The following BAHD1 variants were observed in gnomAD, a reference collection of about 807,000 sequenced individuals.
BAHD1 encodes the protein bromo adjacent homology domain containing 1.
A neutral mutation model predicts 63.1 loss-of-function variants in BAHD1; 20 were observed. The ratio of observed to expected loss-of-function variants is 0.32; its 90% CI spans 0.22 to 0.46. The LOEUF is 0.46. Ranked by LOEUF, BAHD1 falls within the 20% of genes least tolerant of loss-of-function variation. The pLI, the probability that BAHD1 is intolerant of heterozygous loss-of-function variation, is 1.00. For missense variants in BAHD1, 939 were observed against 1,071.8 expected, an observed-to-expected ratio of 0.88 and a Z score of 1.73; for synonymous variants, 408 against 426.8, an observed-to-expected ratio of 0.96 and a Z score of 0.54.
upstream of BAHD1, among the ~76,000 whole-genome samples, chr15:40,437,644 A>C (rs961153644): frequency 6.6e-6 from 1 of 152,150 alleles, no homozygotes; most frequent in Admixed American, 6.5e-5. Context: ...GGGCTGCCCC[A>C]CTTCCAGGAA....
rs759059950 is a variant in BAHD1 at position 40,465,904 on chromosome 15, G to C, written c.2154-37G>C. 5.9e-6 allele frequency: 9 copies of C among 1,529,398 alleles called. No individual in the cohort carries two copies. The Admixed American group carries it at 1.1e-4, about 18-fold the overall frequency. The allele number at this position is 1,529,398 out of a possible 1,614,324, so 94.7% of individuals were successfully genotyped here. ...AAGGAATTGGTCTTCCTGCAAAAGT[G>C]GCTGGAGTAAAGACAGTGAATGGTA... is the stretch of plus-strand genomic sequence containing the variant. On this transcript the variant is annotated intron_variant, in intron 6 of 6. Transcript: ENST00000416165.
In BAHD1 at chr15:40,451,198, C is replaced by T. The variant is rs201451898; in HGVS notation, c.-14-7253C>T. Among the ~76,000 whole-genome samples, 25 of 148,056 alleles carry T rather than the reference C, an allele frequency of 1.7e-4. No individual in the cohort carries two copies. In the East Asian group the frequency reaches 5.1e-3, roughly 30 times the overall value. On this transcript the variant is annotated intron_variant, in intron 1 of 6. Coordinates refer to ENST00000416165, the MANE Select transcript of BAHD1 (RefSeq NM_014952.5). ...CTTTAGCTTTTGTTTGTCACCCTTT[C>T]CTGCATCCAAACATTTATGAAATGA... is the stretch of plus-strand genomic sequence containing the variant.
intron 5 of BAHD1, chr15:40,464,863 T>A: frequency 2.3e-6 from 1 of 431,364 alleles, no homozygotes. Context: ...TGGAGCTGCA[T>A]ACCTGGTCAC....
chr15:40,441,832 C>G (rs1326667713), intron 1 of BAHD1, among the ~76,000 whole-genome samples: 1 of 148,000 alleles, frequency 6.8e-6, no homozygotes, highest in Admixed American at 6.7e-5. Context: ...GGGAGCTGAC[C>G]GGTTATTGCT....
chr15:40,466,697 C>T lies in BAHD1; in HGVS notation c.*567C>T, dbSNP rs528262847. ...GACTTCCTCTTCCTAGACTTGAGGC[C>T]TTTTCTCTGGCTTTCCTCCTTTGCC... On this transcript the variant is annotated 3_prime_UTR_variant, in exon 7 of 7. Transcript: ENST00000416165. The T allele has an allele frequency of 6.5e-6, 1 of 152,914 alleles. No individual in the cohort carries two copies. Among genetic ancestry groups the T allele is most frequent in the East Asian group, 1.9e-4 (1 of 5,188 alleles). The allele number at this position is 152,914 out of a possible 1,614,324, so 9.5% of individuals were successfully genotyped here.
intron 2 of BAHD1, 29 bp from the exon 3 acceptor site, chr15:40,461,878 TTGTCC>T: frequency 1.9e-6 from 3 of 1,543,154 alleles, no homozygotes; most frequent in East Asian, 2.3e-5. Flanking sequence ...GGGTCACTGC[TTGTCC>T]TGTCCTGACC....
intron 3 of BAHD1, 74 bp from the exon 4 acceptor site, chr15:40,463,787 T>G: frequency 6.6e-7 from 1 of 1,523,610 alleles, no homozygotes; most frequent in Non-Finnish European, 9.0e-7. Context: ...GTGGAAAGGA[T>G]GTCATTCCCT....
At position 40,459,588 on chromosome 15, in the gene BAHD1, C is replaced by T. The variant is rs1566963908; in HGVS notation, c.1124C>T (p.Ala375Val). The stretch of plus-strand genomic sequence containing the variant: ...CTGTGTGTTGGGCCTGAGCTCACTG[C>T]ACTAGGCAGCTTCTACCTGTACTGT... ...NGLCVGPELT[A>V]LGSFYLYCGQ... is the part of the protein sequence containing the mutation. The change falls in exon 2 of 7, where the codon GCA becomes GTA. Residue 375 changes from alanine (A) to valine (V), a missense_variant. Transcript: ENST00000416165. The T allele has an allele frequency of 1.2e-6, 2 of 1,614,208 alleles. No individual in the cohort carries two copies. Among genetic ancestry groups the T allele is most frequent in the East Asian group, 2.2e-5 (1 of 44,890 alleles).
rs769934743 is a variant in BAHD1 at position 40,465,352 on chromosome 15, G to C, written c.2070G>C (p.Val690=). Reference sequence around the variant, plus strand: ...CCTTTGAGCCCTTGCAGAATGAAGTGTTTGCATCGCGACATCAGGACCAGA... The same window carrying C: ...CCTTTGAGCCCTTGCAGAATGAAGTCTTTGCATCGCGACATCAGGACCAGA... The part of the protein sequence containing the change: ...PSMHEPLQNE[V]FASRHQDQNS... Residue 690 remains valine (V), a synonymous_variant, in exon 6 of 7, where the codon GTG becomes GTC. Transcript: ENST00000416165. 1 of 1,614,032 alleles carries C rather than the reference G, an allele frequency of 6.2e-7. No homozygotes were observed. Among genetic ancestry groups the C allele is most frequent in the Admixed American group, 1.7e-5 (1 of 59,988 alleles).
chr15:40,464,313 C>T (rs149617770), intron 4 of BAHD1, 158 bp from the exon 5 acceptor site: 3 of 691,732 alleles, frequency 4.3e-6, no homozygotes, highest in Admixed American at 2.5e-5. Context: ...AACAGCATTC[C>T]AGGCCTCTGA....
At chr15:40,446,079 C>T (rs1454596543) in intron 1 of BAHD1, among the ~76,000 whole-genome samples, 1 of 152,208 alleles carries the variant, frequency 6.6e-6, no homozygotes. Flanking sequence ...CTGCTTAGAC[C>T]TCCACAGGAC....
At chr15:40,444,984 T>A (rs1028111530) in intron 1 of BAHD1, among the ~76,000 whole-genome samples, 1 of 151,852 alleles carries the variant, frequency 6.6e-6, no homozygotes, top group Non-Finnish European at 1.5e-5. Context: ...CCCTACTACT[T>A]CTCTCCTCCT....
intron 4 of BAHD1, 39 bp downstream of exon 4, chr15:40,464,059 C>T: frequency 6.2e-7 from 1 of 1,606,842 alleles, no homozygotes; most frequent in Non-Finnish European, 8.5e-7. Flanking sequence ...GGGGCAGCTG[C>T]CTTCAGCAGA....
Position 40,458,811 on chromosome 15 carries a change from A to T in BAHD1, c.347A>T (p.Lys116Met). 1 of 1,612,874 alleles carries T rather than the reference A, an allele frequency of 6.2e-7. No individual in the cohort carries two copies. The highest frequency in any genetic ancestry group is 1.3e-5 in the African/African-American group (1 of 75,036). The change falls in exon 2 of 7, where the codon AAG (lysine) becomes ATG (methionine). Residue 116 changes from lysine to methionine, a missense_variant. Physicochemically the swap from Lys to Met is moderately conservative, Grantham distance 95. This residue lies in a region of BAHD1 where 797 missense variants were observed against 813.3 expected (regional missense o/e 0.98). Transcript: ENST00000416165. The surrounding 1 kb of genome is among the most constrained non-coding windows in gnomAD (Gnocchi z 4.7). Reference sequence around the variant, plus strand: ...GACCCTGGCCTTGCCCAGCCCCGCAAGCGGCGCCTGGCCTCCCTCAATGCT... The same window carrying T: ...GACCCTGGCCTTGCCCAGCCCCGCATGCGGCGCCTGGCCTCCCTCAATGCT... Reference protein sequence around the residue: ...SEDPGLAQPRKRRLASLNAEA... With the variant: ...SEDPGLAQPRMRRLASLNAEA...
chr15:40,461,926 C>T lies in BAHD1; in HGVS notation c.1447C>T (p.Leu483=). 3.1e-6 allele frequency: 5 copies of T among 1,602,152 alleles called. No homozygotes were observed. The highest frequency in any genetic ancestry group is 4.3e-6 in the Non-Finnish European group (5 of 1,172,052). ...CCCTTTCCTAGAAGGCTGCAGATCC[C>T]TGGGCCAGTTGGAATTTCCTCTCCC... The part of the protein sequence containing the change: ...MPFAAEGCRS[L]GQLEFPLPEA... Residue 483 remains leucine (L), a synonymous_variant, in exon 3 of 7, where the codon CTG becomes TTG. Transcript: ENST00000416165.
chr15:40,443,430 T>C (rs745726765), intron 1 of BAHD1: 1 of 525,946 alleles, frequency 1.9e-6, no homozygotes, highest in Non-Finnish European at 2.4e-6. Context: ...TTGTGCCTTC[T>C]GTGAGGCTAC....
In BAHD1 at chr15:40,459,236, C is replaced by T; in HGVS notation, c.772C>T (p.Pro258Ser). ...KWPKVNGKNY[P>S]KAWQGASSGE... ...GCCCAAGGTCAATGGCAAGAACTATCCCAAGGCTTGGCAGGGGGCCAGCTC... is the reference window on the plus strand; with the variant it reads ...GCCCAAGGTCAATGGCAAGAACTATTCCAAGGCTTGGCAGGGGGCCAGCTC... Residue 258 changes from proline (P) to serine (S), a missense_variant, in exon 2 of 7, where the codon CCC becomes TCC. Physicochemically the swap from Pro to Ser is moderately conservative, Grantham distance 74 (BLOSUM62 -1). Transcript: ENST00000416165. The T allele has an allele frequency of 6.2e-7, 1 of 1,612,374 alleles. No individual in the cohort carries two copies. The highest frequency in any genetic ancestry group is 1.1e-5 in the South Asian group (1 of 90,960).
chr15:40,441,191 G>A lies in BAHD1; in HGVS notation c.-92G>A, dbSNP rs1893389379. 1 of 151,438 alleles carries A rather than the reference G, an allele frequency of 6.6e-6. No individual in the cohort carries two copies. The highest frequency in any genetic ancestry group is 1.5e-5 in the Non-Finnish European group (1 of 67,942). The allele number at this position is 151,438 out of a possible 1,614,324, so 9.4% of individuals were successfully genotyped here. A position where few individuals can be genotyped will look rare whatever the true frequency, so the allele number is the denominator to read the frequency against. ...GAGCCCGGGAATTGAGCGCCCCCGG[G>A]GGGTTCCAGCCGCCGGATTCCAGCC... On this transcript the variant is annotated 5_prime_UTR_variant, in exon 1 of 7. Transcript: ENST00000416165.
chr15:40,458,947 TG>T lies in BAHD1; in HGVS notation c.488del (p.Gly163AlafsTer45). On this transcript the variant is annotated frameshift_variant, in exon 2 of 7. Coordinates refer to ENST00000416165, the MANE Select transcript of BAHD1 (RefSeq NM_014952.5). LOFTEE classifies it high-confidence loss of function. The surrounding 1 kb of genome is among the most constrained non-coding windows in gnomAD (Gnocchi z 4.7). The part of the protein sequence containing the change: ...HRSRDRDRAT[G>X]GWSSSKKRPR... ...GCAGCCGTGACCGTGATCGTGCTAC[TG>T]GGGGCTGGTCCTCCTCCAAGAAGCG... 6.3e-7 allele frequency: 1 copy of T among 1,592,422 alleles called. No homozygotes were observed. The highest frequency in any genetic ancestry group is 8.6e-7 in the Non-Finnish European group (1 of 1,167,870).
Sources: allele counts gnomAD v4.1 joint callset (sites outside exome capture counted in the v4.1 genomes callset), GRCh38; gene constraint gnomAD v4.1.1; regional missense constraint gnomAD v4.1.1; non-coding constraint Gnocchi (gnomAD v3.1); transcripts MANE v1.5; gene names NCBI Gene and HGNC (gene_info 2026-07-23, HGNC 2026-07-21).